The following PCNX3 variants were observed in gnomAD, a reference collection of about 807,000 sequenced individuals.
The protein encoded by PCNX3 is pecanex 3.
A neutral mutation model predicts 207.2 loss-of-function variants in PCNX3; 58 were observed. The observed-to-expected ratio is 0.28, with a 90% CI of 0.23 to 0.35. PCNX3 has a LOEUF of 0.35. Among genes scored for constraint, PCNX3 ranks in the 10% least tolerant of loss-of-function variants. The probability of loss-of-function intolerance (pLI) is 1.00; values close to 1 mark genes in which losing one functional copy is unlikely to be tolerated. For synonymous variants in PCNX3, 1,337 were observed against 1,183.5 expected (o/e 1.13, Z -2.66); for missense variants, 2,410 against 2,774.4 (o/e 0.87, Z 2.95).
chr11:65,632,901 T>C (rs1855673220), intron 27 of PCNX3, among the ~76,000 whole-genome samples: 1 of 151,660 alleles, frequency 6.6e-6, no homozygotes, highest in African/African-American at 2.4e-5. Flanking sequence ...TGCACCACCA[T>C]GCCTGGCTAA....
In PCNX3 at chr11:65,619,856, C is replaced by T. The variant is rs370632811; in HGVS notation, c.1932C>T (p.Ala644=). Residue 644 remains alanine (A), a synonymous_variant, in exon 8 of 35, where the codon GCC becomes GCT. Transcript: ENST00000355703. ...CCTCTTCACTGTTGCTCACCCGGGCCGGTGCCAATGTGCATGAGGCCTGCA... is the reference window on the plus strand; with the variant it reads ...CCTCTTCACTGTTGCTCACCCGGGCTGGTGCCAATGTGCATGAGGCCTGCA... The part of the protein sequence containing the change: ...HFASSLLLTR[A]GANVHEACTF... The T allele has an allele frequency of 1.3e-4, 210 of 1,610,176 alleles. No homozygotes were observed. The Middle Eastern group carries it at 1.5e-3, about 11-fold the overall frequency.
At chr11:65,624,875 G>T (rs752437259) in intron 15 of PCNX3, 50 bp from the exon 16 acceptor site, 2 of 1,543,712 alleles carry the variant, frequency 1.3e-6, no homozygotes, top group South Asian at 1.1e-5. Flanking sequence ...TAGGGTTGAG[G>T]TGGGGTACCT....
chr11:65,616,461 C>T lies in PCNX3; in HGVS notation c.150C>T (p.Tyr50=). Residue 50 remains tyrosine (Y), a synonymous_variant, in exon 1 of 35, where the codon TAC becomes TAT. Coordinates refer to ENST00000355703, the MANE Select transcript of PCNX3 (RefSeq NM_032223.4). ...TGCTCATCTTTCCCTTCTTACTGTACATGGTGAGACGCCACGGCCACCTGT... is the reference window on the plus strand; with the variant it reads ...TGCTCATCTTTCCCTTCTTACTGTATATGGTGAGACGCCACGGCCACCTGT... ...IFLLIFPFLL[Y]MVLPPSLMVA... 6.2e-7 allele frequency: 1 copy of T among 1,603,818 alleles called. No individual in the cohort carries two copies. Among genetic ancestry groups the T allele is most frequent in the Non-Finnish European group, 8.5e-7 (1 of 1,177,622 alleles).
intron 10 of PCNX3, 104 bp downstream of exon 10, chr11:65,621,070 A>G: frequency 7.0e-7 from 1 of 1,419,138 alleles, no homozygotes; most frequent in Non-Finnish European, 9.3e-7. Flanking sequence ...CCCAGGAGGG[A>G]CGGGCAGTGC....
chr11:65,624,762 T>C (rs1177093000), intron 15 of PCNX3, among the ~76,000 whole-genome samples, 163 bp from the exon 16 acceptor site: 1 of 152,206 alleles, frequency 6.6e-6, no homozygotes, highest in African/African-American at 2.4e-5. Context: ...CTGAGAATCT[T>C]GGAAGCTCTA....
intron 28 of PCNX3, 22 bp downstream of exon 28, chr11:65,634,378 C>G (rs1376804669): frequency 6.4e-7 from 1 of 1,555,190 alleles, no homozygotes; most frequent in East Asian, 2.4e-5. Flanking sequence ...CTACCTGAGG[C>G]TGCCACCTGG....
chr11:65,623,031 AAT>A (rs959370097), intron 11 of PCNX3, among the ~76,000 whole-genome samples: 10 of 152,192 alleles, frequency 6.6e-5, no homozygotes, highest in Non-Finnish European at 1.5e-4. Context: ...CAGAAAATCC[AAT>A]AGAGAAGTCA....
At chr11:65,623,668 C>A (rs763762124) in intron 12 of PCNX3, 24 bp downstream of exon 12, 31 of 1,604,494 alleles carry the variant, frequency 1.9e-5, no homozygotes, top group Non-Finnish European at 2.6e-5. Flanking sequence ...CTCTGTGTTT[C>A]CTTCCCCACC....
chr11:65,616,793 G>A, intron 1 of PCNX3, 31 bp from the exon 2 acceptor site: 4 of 1,595,556 alleles, frequency 2.5e-6, no homozygotes, highest in South Asian at 1.1e-5. Flanking sequence ...GAGGCTTTGT[G>A]AAAAGGGACC....
chr11:65,623,028 T>C lies in PCNX3; in HGVS notation c.2358-463T>C, dbSNP rs750212630. Among the ~76,000 whole-genome samples the C allele has an allele frequency of 2.3e-4, 35 of 152,058 alleles. 1 individual carries two copies. The highest frequency in any genetic ancestry group is 1.2e-3 in the South Asian group (6 of 4,830). On this transcript the variant is annotated intron_variant, in intron 11 of 34. Coordinates refer to ENST00000355703, the MANE Select transcript of PCNX3 (RefSeq NM_032223.4). ...AGAGGGGACACAGAGTCCCAGAAAA[T>C]CCAATAGAGAAGTCAGATGACTTCT...
chr11:65,616,270 G>A lies in PCNX3; in HGVS notation c.-42G>A. On this transcript the variant is annotated 5_prime_UTR_variant, in exon 1 of 35. An upstream start codon of the reference 5' UTR is lost. Coordinates refer to ENST00000355703, the MANE Select transcript of PCNX3 (RefSeq NM_032223.4). Reference sequence around the variant, plus strand: ...GGCATGGGCCGGGGGCCGCCCCCATGAGGGTCCCGGGAGGGGGGGCGCGGG... The same window carrying A: ...GGCATGGGCCGGGGGCCGCCCCCATAAGGGTCCCGGGAGGGGGGGCGCGGG... 6.7e-7 allele frequency: 1 copy of A among 1,495,880 alleles called. No homozygotes were observed. The highest frequency in any genetic ancestry group is 1.3e-5 in the South Asian group (1 of 78,184). The allele number at this position is 1,495,880 out of a possible 1,614,324, so 92.7% of individuals were successfully genotyped here.
rs758446940 is a variant in PCNX3, at chr11:65,634,278, C to T, written c.4623C>T (p.Arg1541=). Residue 1541 remains arginine, a synonymous_variant, in exon 28 of 35, where the codon CGC becomes CGT. Coordinates refer to ENST00000355703, the MANE Select transcript of PCNX3 (RefSeq NM_032223.4). ...SLSVDEDYDL[R]LSGLSLPSFC... The stretch of plus-strand genomic sequence containing the variant: ...GTGTGGATGAGGACTATGACCTCCG[C>T]CTGTCTGGCCTCTCGCTGCCCTCCT... The T allele has an allele frequency of 3.1e-6, 5 of 1,611,926 alleles. No individual in the cohort carries two copies. The highest frequency in any genetic ancestry group is 2.5e-6 in the Non-Finnish European group (3 of 1,179,316).
rs776596168 is a variant in PCNX3 at position 65,626,961 on chromosome 11, A to G, written c.3437A>G (p.Lys1146Arg). The G allele has an allele frequency of 5.7e-6, 9 of 1,573,018 alleles. No individual in the cohort carries two copies. The East Asian group carries it at 1.9e-4, about 33-fold the overall frequency. Residue 1146 changes from lysine (K) to arginine (R), a missense_variant, in exon 21 of 35, where the codon AAG (lysine) becomes AGG (arginine). Transcript: ENST00000355703. ...TATGCTGGCCTGCAGTGCGTAGAGA[A>G]GTACCTCATCTACCCCGCCGTGGTG... Reference protein sequence around the residue: ...KLYAGLQCVEKYLIYPAVVLN... With the variant: ...KLYAGLQCVERYLIYPAVVLN...
At chr11:65,629,490 G>A (rs1479450039) in intron 25 of PCNX3, 30 bp from the exon 26 acceptor site, 3 of 1,612,494 alleles carry the variant, frequency 1.9e-6, no homozygotes, top group Admixed American at 1.7e-5. Flanking sequence ...TTGTCACTTT[G>A]TCCATTTGCC....
At position 65,635,157 on chromosome 11, in the gene PCNX3, G is replaced by A; in HGVS notation, c.4953+37G>A. ...GTGTGCCCAGCAGCATGGGCAGGTGGGGGATGAAGCCTCTCTCCAGGGCAG... is the reference window on the plus strand; with the variant it reads ...GTGTGCCCAGCAGCATGGGCAGGTGAGGGATGAAGCCTCTCTCCAGGGCAG... On this transcript the variant is annotated intron_variant, in intron 30 of 34. Coordinates refer to ENST00000355703, the MANE Select transcript of PCNX3 (RefSeq NM_032223.4). This position sits in a 1 kb window ranked among gnomAD's most constrained non-coding sequence, Gnocchi z 9.9. The A allele has an allele frequency of 6.2e-7, 1 of 1,607,420 alleles. No homozygotes were observed. The highest frequency in any genetic ancestry group is 8.5e-7 in the Non-Finnish European group (1 of 1,175,762).
In PCNX3 at chr11:65,636,927, T is replaced by C. The variant is rs1396701776; in HGVS notation, c.6054T>C (p.Ile2018=). Residue 2018 remains isoleucine (I), a synonymous_variant, in exon 35 of 35, where the codon ATT becomes ATC. Transcript: ENST00000355703. The stretch of plus-strand genomic sequence containing the variant: ...CCCTGGGCGACTGGCCTGCCCCTAT[T>C]GAGGAGCGTGAGAGCCCGGCAGCCC... ...MGALGDWPAP[I]EERESPAAQP... 9.0e-6 allele frequency: 14 copies of C among 1,563,016 alleles called. 1 individual carries two copies. The highest frequency in any genetic ancestry group is 1.4e-5 in the African/African-American group (1 of 73,554).
intron 21 of PCNX3, among the ~76,000 whole-genome samples, 152 bp from the exon 22 acceptor site, chr11:65,627,253 G>A (rs1441218862): frequency 2.6e-5 from 4 of 152,210 alleles, no homozygotes; most frequent in Non-Finnish European, 5.9e-5. Context: ...GAAGAGCAGA[G>A]ACTAAGAGTC....
In PCNX3 at chr11:65,617,238, T is replaced by C; in HGVS notation, c.342-12T>C. On this transcript the variant is annotated splice_polypyrimidine_tract_variant and intron_variant, in intron 2 of 34. Transcript: ENST00000355703. ...AGGTTAGCTCAAAGCTGCTGCTCTT[T>C]TTCACCGCCAGGGACCCCGGAGTGG... 4 of 1,592,848 alleles carry C rather than the reference T, an allele frequency of 2.5e-6. No individual in the cohort carries two copies. Among genetic ancestry groups the C allele is most frequent in the Non-Finnish European group, 3.4e-6 (4 of 1,169,764 alleles).
Position 65,617,964 on chromosome 11 carries a change from C to G in PCNX3, c.602C>G (p.Pro201Arg). 6.3e-7 allele frequency: 1 copy of G among 1,594,322 alleles called. No individual in the cohort carries two copies. Among genetic ancestry groups the G allele is most frequent in the Non-Finnish European group, 8.5e-7 (1 of 1,170,254 alleles). ...GTTGGAGACCTTCCCCAGACGCCTCCAGGGGCTGTCCCAGACCCCTCTCTT... is the reference window on the plus strand; with the variant it reads ...GTTGGAGACCTTCCCCAGACGCCTCGAGGGGCTGTCCCAGACCCCTCTCTT... ...KLIGDLPQTPPGAVPDPSLAS... is the reference protein window; with the variant it reads ...KLIGDLPQTPRGAVPDPSLAS... Residue 201 changes from proline to arginine, a missense_variant, in exon 6 of 35, where the codon CCA becomes CGA. Physicochemically the swap from Pro to Arg is moderately radical, Grantham distance 103. Coordinates refer to ENST00000355703, the MANE Select transcript of PCNX3 (RefSeq NM_032223.4).
Sources: gnomAD v4.1 joint callset for allele counts (sites outside exome capture counted in the v4.1 genomes callset) on GRCh38, gnomAD v4.1.1 for gene constraint, Gnocchi (gnomAD v3.1) non-coding constraint, MANE v1.5 for transcripts, NCBI Gene and HGNC (gene_info 2026-07-23, HGNC 2026-07-21) for gene names.